CATSPERE: variants seen among roughly 807,000 people sequenced by gnomAD.
The protein encoded by CATSPERE is catsper channel auxiliary subunit epsilon, also known as cation channel sperm-associated auxiliary subunit epsilon.
Under a neutral mutation model 114.1 loss-of-function variants are expected in CATSPERE, and 93 were observed. The observed-to-expected ratio is 0.81, with a 90% CI of 0.69 to 0.97. CATSPERE has a LOEUF of 0.97. Among genes scored for constraint, CATSPERE ranks in the 50% least tolerant of loss-of-function variants. The pLI is 0.00. For missense variants in CATSPERE, 1,058 were observed against 1,131.6 expected, an observed-to-expected ratio of 0.93 and a Z score of 0.93; for synonymous variants, 341 against 384.1, an observed-to-expected ratio of 0.89 and a Z score of 1.31.
chr1:244,459,540 G>T (rs1377123302), upstream of CATSPERE, among the ~76,000 whole-genome samples: 2 of 152,156 alleles, frequency 1.3e-5, no homozygotes, highest in Non-Finnish European at 2.9e-5. Context: ...AAACAAATCG[G>T]TTCTATCATG....
At chr1:244,621,048 AT>A (rs1362749479) in intron 20 of CATSPERE, among the ~76,000 whole-genome samples, 3 of 65,180 alleles carry the variant, frequency 4.6e-5, no homozygotes, top group South Asian at 3.9e-4. Flanking sequence ...AAATATATAT[AT>A]AAATATATAT....
At chr1:244,545,249 G>A (rs1659553225) in intron 8 of CATSPERE, among the ~76,000 whole-genome samples, 1 of 152,166 alleles carries the variant, frequency 6.6e-6, no homozygotes, top group South Asian at 2.1e-4. Context: ...TCTAAGGTGA[G>A]GTTAATTTGT....
intron 8 of CATSPERE, among the ~76,000 whole-genome samples, chr1:244,519,550 G>T (rs1677183480): frequency 6.6e-6 from 1 of 152,102 alleles, no homozygotes; most frequent in Admixed American, 6.6e-5. Context: ...CCAAAGCTGT[G>T]CACTTGAAGT....
chr1:244,629,796 T>A (rs970915042), intron 20 of CATSPERE, among the ~76,000 whole-genome samples: 5 of 151,968 alleles, frequency 3.3e-5, no homozygotes, highest in Non-Finnish European at 7.4e-5. Context: ...TGCACCACCA[T>A]GCCTGGCTAA....
intron 2 of CATSPERE, among the ~76,000 whole-genome samples, chr1:244,475,316 C>A (rs1669140701): frequency 5.3e-5 from 8 of 151,708 alleles, no homozygotes; most frequent in Admixed American, 3.9e-4. Context: ...TCACTGCAAC[C>A]TCCTTCTCCT....
chr1:244,637,599 C>T (rs1234497044), intron 21 of CATSPERE, among the ~76,000 whole-genome samples: 1 of 152,124 alleles, frequency 6.6e-6, no homozygotes, highest in Non-Finnish European at 1.5e-5. Flanking sequence ...CCTCTACTTC[C>T]AATCTCTCTT....
intron 11 of CATSPERE, among the ~76,000 whole-genome samples, chr1:244,577,314 T>C (rs1665427926): frequency 6.6e-6 from 1 of 151,854 alleles, no homozygotes; most frequent in Non-Finnish European, 1.5e-5. Flanking sequence ...TAAATAATCA[T>C]ATAATCTGGC....
At chr1:244,611,389 A>G (rs1459047698) in intron 19 of CATSPERE, among the ~76,000 whole-genome samples, 1 of 151,958 alleles carries the variant, frequency 6.6e-6, no homozygotes, top group African/African-American at 2.4e-5. Context: ...CAGGAGTTCA[A>G]GACCAGCCTG....
At position 244,617,683 on chromosome 1, in the gene CATSPERE, A is replaced by G. The variant is rs1435880591; in HGVS notation, c.2645A>G (p.Tyr882Cys). ...VFRVKILDPN[Y>C]SFCNLTAMFA... Reference sequence around the variant, plus strand: ...CGTGTGAAGATCCTGGATCCAAACTATAGGTGAATATATGTGTTACTGTAA... The same window carrying G: ...CGTGTGAAGATCCTGGATCCAAACTGTAGGTGAATATATGTGTTACTGTAA... The change falls in exon 20 of 22, where the codon TAT becomes TGT. Residue 882 changes from tyrosine to cysteine, a missense_variant. Physicochemically the swap from Tyr to Cys is radical, Grantham distance 194 (BLOSUM62 -2). This residue lies in a region of CATSPERE where 787 missense variants were observed against 905.6 expected (regional missense o/e 0.87). Coordinates refer to ENST00000366534, the MANE Select transcript of CATSPERE (RefSeq NM_001130957.2). 5 of 1,532,932 alleles carry G rather than the reference A, an allele frequency of 3.3e-6. No homozygotes were observed. The African/African-American group carries it at 7.0e-5, about 21-fold the overall frequency. The allele number at this position is 1,532,932 out of a possible 1,614,324, so 95.0% of individuals were successfully genotyped here. A position where few individuals can be genotyped will look rare whatever the true frequency, so the allele number is the denominator to read the frequency against.
At chr1:244,499,121 C>G (rs1406566561) in intron 7 of CATSPERE, 42 bp downstream of exon 7, 1 of 1,461,204 alleles carries the variant, frequency 6.8e-7, no homozygotes. Context: ...GAACAGAATG[C>G]TGCCTTTCTT....
chr1:244,539,039 T>A (rs1251215267), intron 8 of CATSPERE, among the ~76,000 whole-genome samples: 1 of 152,156 alleles, frequency 6.6e-6, no homozygotes, highest in Non-Finnish European at 1.5e-5. Context: ...GCATTCTCCT[T>A]AAACCTTCCC....
intron 17 of CATSPERE, among the ~76,000 whole-genome samples, chr1:244,602,833 C>T (rs1213194434): frequency 6.6e-6 from 1 of 151,964 alleles, no homozygotes; most frequent in African/African-American, 2.4e-5. Flanking sequence ...TATACAGACG[C>T]GGAAATGGCC....
chr1:244,570,250 T>C (rs1050272025), intron 10 of CATSPERE, among the ~76,000 whole-genome samples: 10 of 152,158 alleles, frequency 6.6e-5, no homozygotes, highest in African/African-American at 2.4e-4. Flanking sequence ...ATTTTAACTT[T>C]TAAATTTCTT....
chr1:244,481,613 G>T (rs1020955104), intron 5 of CATSPERE, among the ~76,000 whole-genome samples: 5 of 152,210 alleles, frequency 3.3e-5, no homozygotes, highest in East Asian at 1.9e-4. Context: ...CTGTATGTTT[G>T]TGTCCCACCC....
At chr1:244,511,563 T>G (rs948121945) in intron 7 of CATSPERE, among the ~76,000 whole-genome samples, 1 of 152,198 alleles carries the variant, frequency 6.6e-6, no homozygotes, top group Non-Finnish European at 1.5e-5. Flanking sequence ...CTCTTATTGT[T>G]TATCATTGCA....
intron 12 of CATSPERE, 64 bp downstream of exon 12, chr1:244,581,918 G>A (rs1031817119): frequency 2.8e-6 from 2 of 706,642 alleles, no homozygotes; most frequent in African/African-American, 3.8e-5. Flanking sequence ...ATTGATTTGT[G>A]GGTGTTCTTT....
At chr1:244,490,783 T>C (rs1389521476) in intron 6 of CATSPERE, among the ~76,000 whole-genome samples, 1 of 152,172 alleles carries the variant, frequency 6.6e-6, no homozygotes, top group Admixed American at 6.5e-5. Context: ...AGATAGTTTT[T>C]AAAATATTGA....
At chr1:244,487,808 C>T (rs575669669) in intron 5 of CATSPERE, among the ~76,000 whole-genome samples, 37 of 152,210 alleles carry the variant, frequency 2.4e-4, no homozygotes, top group East Asian at 7.7e-4. Context: ...CGGGACTGTA[C>T]GGGAGCCAAA....
chr1:244,470,351 C>A (rs1004093469), intron 2 of CATSPERE, among the ~76,000 whole-genome samples: 7 of 152,036 alleles, frequency 4.6e-5, no homozygotes, highest in African/African-American at 1.7e-4. Flanking sequence ...AAAAATACAA[C>A]CCAGTTTTTT....
Sources: gnomAD v4.1 joint callset for allele counts (sites outside exome capture counted in the v4.1 genomes callset) on GRCh38, gnomAD v4.1.1 for gene constraint, gnomAD v4.1.1 regional missense constraint, MANE v1.5 for transcripts, NCBI Gene and HGNC (gene_info 2026-07-23, HGNC 2026-07-21) for gene names.